Variants in ZNF91 observed in about 807,000 individuals in gnomAD.
The protein encoded by ZNF91 is zinc finger protein 91 (HPF7, HTF10).
ZNF91 carries 7 observed loss-of-function variants against 12.6 expected under a neutral mutation model. The ratio of observed to expected loss-of-function variants is 0.55; its 90% CI spans 0.31 to 1.04. ZNF91 has a LOEUF of 1.04. ZNF91 is among the 50% of genes least tolerant of loss of function. The pLI, the probability that ZNF91 is intolerant of heterozygous loss-of-function variation, is 0.05. For synonymous variants in ZNF91, 453 were observed against 462.6 expected (o/e 0.98, Z 0.27); for missense variants, 1,217 against 1,385.4 (o/e 0.88, Z 1.93).
downstream of ZNF91, among the ~76,000 whole-genome samples, chr19:23,337,510 G>A (rs1381077870): frequency 1.4e-5 from 2 of 147,468 alleles, no homozygotes; most frequent in African/African-American, 5.0e-5. Flanking sequence ...ATGTAAATTC[G>A]AAAATAAAAT....
At chr19:23,379,829 T>C (rs1438143283) in intron 1 of ZNF91, among the ~76,000 whole-genome samples, 9 of 152,304 alleles carry the variant, frequency 5.9e-5, no homozygotes, top group African/African-American at 2.2e-4. Context: ...CTTCCCCTCT[T>C]CTGGTGGCCA....
chr19:23,320,337 T>C (rs1346957056), intron 1 of ZNF91, among the ~76,000 whole-genome samples: 1 of 152,210 alleles, frequency 6.6e-6, no homozygotes, highest in African/African-American at 2.4e-5. Flanking sequence ...TTAATGCAGA[T>C]TGCAATTCTC....
chr19:23,342,313 C>G (rs1968141756), intron 3 of ZNF91: 1 of 409,262 alleles, frequency 2.4e-6, no homozygotes, highest in Admixed American at 3.6e-5. Flanking sequence ...CCTCCAGTTA[C>G]CAACCTAGTA....
intron 2 of ZNF91, 59 bp from the exon 3 acceptor site, chr19:23,373,896 G>C: frequency 7.9e-7 from 1 of 1,264,890 alleles, no homozygotes; most frequent in Admixed American, 2.0e-5. Flanking sequence ...TGCCAACTTA[G>C]TAATGTGCTC....
Position 23,374,767 on chromosome 19 carries a change from G to A in ZNF91, c.31-3C>T. On this transcript the variant is annotated splice_region_variant and splice_polypyrimidine_tract_variant and intron_variant, in intron 1 of 3. Coordinates refer to ENST00000300619, the MANE Select transcript of ZNF91 (RefSeq NM_003430.4). ...ACATCCCTAAATGTCAACAGTCCCT[G>A]AAAAACACACACAAACACACATATT... The A allele has an allele frequency of 1.3e-5, 21 of 1,609,612 alleles. No homozygotes were observed. Among genetic ancestry groups the A allele is most frequent in the Non-Finnish European group, 1.8e-5 (21 of 1,177,570 alleles).
upstream of ZNF91, among the ~76,000 whole-genome samples, chr19:23,311,168 A>G (rs1371349735): frequency 6.6e-6 from 1 of 152,132 alleles, no homozygotes; most frequent in Non-Finnish European, 1.5e-5. Context: ...GCCTTCACTC[A>G]GAGGGTATTG....
chr19:23,340,438 A>G (rs1244310639), intron 3 of ZNF91, among the ~76,000 whole-genome samples: 4 of 152,190 alleles, frequency 2.6e-5, no homozygotes, highest in Non-Finnish European at 4.4e-5. Context: ...AGAAAGAATG[A>G]ATAAATCCAT....
At chr19:23,333,171 C>T (rs1415630537) in intron 1 of ZNF91, among the ~76,000 whole-genome samples, 1 of 152,162 alleles carries the variant, frequency 6.6e-6, no homozygotes, top group East Asian at 1.9e-4. Flanking sequence ...CATATGAAAC[C>T]TCCTTTTGAA....
At chr19:23,373,387 A>ATATATATATATATATATAT (rs1568395319) in intron 3 of ZNF91, among the ~76,000 whole-genome samples, 3 of 78,042 alleles carry the variant, frequency 3.8e-5, no homozygotes, top group Non-Finnish European at 9.1e-5. Context: ...TATATATATA[A>ATATATATATATATATATAT]ATAAACAGTA....
upstream of ZNF91, among the ~76,000 whole-genome samples, chr19:23,314,340 C>T (rs1329113684): frequency 6.6e-6 from 1 of 151,988 alleles, no homozygotes; most frequent in Non-Finnish European, 1.5e-5. Context: ...TGTGACTCTT[C>T]TTTTCTTCCT....
intron 1 of ZNF91, chr19:23,380,974 C>T (rs1049180684): frequency 1.3e-5 from 2 of 152,106 alleles, no homozygotes; most frequent in Non-Finnish European, 2.9e-5. Flanking sequence ...GCCAAATCAC[C>T]TGCCTTTATT....
At chr19:23,390,133 A>G (rs915722870) in intron 1 of ZNF91, among the ~76,000 whole-genome samples, 12 of 152,132 alleles carry the variant, frequency 7.9e-5, no homozygotes, top group Non-Finnish European at 4.4e-5. Flanking sequence ...CCTGACCAAC[A>G]TGGAGAAACT....
chr19:23,374,475 G>T, intron 2 of ZNF91, among the ~76,000 whole-genome samples, 163 bp downstream of exon 2: 1 of 148,950 alleles, frequency 6.7e-6, no homozygotes, highest in Non-Finnish European at 1.5e-5. Flanking sequence ...CAGGAGAATG[G>T]TGTGAACCTG....
At chr19:23,333,836 A>G (rs1198313040), downstream of ZNF91, among the ~76,000 whole-genome samples, 1 of 152,224 alleles carries the variant, frequency 6.6e-6, no homozygotes, top group Non-Finnish European at 1.5e-5. Context: ...AATAGTGGAA[A>G]GCAATGTGGA....
At chr19:23,310,861 C>A (rs1433478865), upstream of ZNF91, among the ~76,000 whole-genome samples, 1 of 152,166 alleles carries the variant, frequency 6.6e-6, no homozygotes, top group African/African-American at 2.4e-5. Flanking sequence ...AAGGTGATGT[C>A]ACTTTTTTGC....
intron 1 of ZNF91, chr19:23,385,317 G>A (rs1367001509): frequency 6.8e-6 from 3 of 442,642 alleles, no homozygotes; most frequent in African/African-American, 2.0e-5. Flanking sequence ...TATTTCCTTT[G>A]GGGTAGAAGG....
upstream of ZNF91, among the ~76,000 whole-genome samples, chr19:23,314,973 G>C (rs1057144779): frequency 3.3e-5 from 5 of 152,076 alleles, no homozygotes; most frequent in African/African-American, 1.2e-4. Context: ...TGACATATAC[G>C]TCAGCCCACC....
downstream of ZNF91, among the ~76,000 whole-genome samples, chr19:23,356,191 T>C (rs1968481340): frequency 6.6e-6 from 1 of 152,078 alleles, no homozygotes; most frequent in Non-Finnish European, 1.5e-5. Flanking sequence ...GAAAAAGAAA[T>C]GATTATTTGA....
At chr19:23,334,981 T>A (rs888668869), downstream of ZNF91, among the ~76,000 whole-genome samples, 48 of 152,356 alleles carry the variant, frequency 3.2e-4, no homozygotes, top group Admixed American at 8.5e-4. Flanking sequence ...TGGAATTTTT[T>A]AAACTTTTTA....
Sources: gnomAD v4.1 joint callset for allele counts (sites outside exome capture counted in the v4.1 genomes callset) on GRCh38, gnomAD v4.1.1 for gene constraint, MANE v1.5 for transcripts, NCBI Gene and HGNC (gene_info 2026-07-23, HGNC 2026-07-21) for gene names.